Variants in SPECC1 observed in about 807,000 individuals in gnomAD.
The protein encoded by SPECC1 is sperm antigen with calponin homology and coiled-coil domains 1.
In SPECC1, 62 loss-of-function variants were observed where a neutral mutation model predicts 104.1. That is an observed-to-expected ratio of 0.60 (90% CI 0.49 to 0.74). The LOEUF is 0.74. Among genes scored for constraint, SPECC1 ranks in the 30% least tolerant of loss-of-function variants. The pLI is 0.00. For synonymous variants in SPECC1, 513 were observed against 501.6 expected (o/e 1.02, Z -0.30); for missense variants, 1,306 against 1,310.5 (o/e 1.00, Z 0.05).
chr17:20,137,966 T>A (rs1281482373), intron 3 of SPECC1, among the ~76,000 whole-genome samples: 1 of 151,308 alleles, frequency 6.6e-6, no homozygotes. Context: ...TACCCAGCCC[T>A]TTATTTTATT....
Position 20,292,549 on chromosome 17 carries a change from C to T in SPECC1, c.2941-4412C>T, listed in dbSNP as rs1363026960. On this transcript the variant is annotated intron_variant, in intron 12 of 14. Coordinates refer to ENST00000395527, the MANE Select transcript of SPECC1 (RefSeq NM_001243439.2). The stretch of plus-strand genomic sequence containing the variant: ...TTCACTACATTGGCCAGGCTGGTCT[C>T]GAACTCCTGACGTCAGGTGATCCGC... Among the ~76,000 whole-genome samples, 4 of 152,146 alleles carry T rather than the reference C, an allele frequency of 2.6e-5. No homozygotes were observed. In the East Asian group the frequency reaches 5.8e-4, roughly 22 times the overall value.
In SPECC1 at chr17:20,232,124, C is replaced by T. The variant is rs1203285881; in HGVS notation, c.2146-76C>T. ...GGCATTTTTTTCTTGGTGACCAACA[C>T]GGGGACTCTGGGGTCCCTGCCCAGG... is the stretch of plus-strand genomic sequence containing the variant. On this transcript the variant is annotated intron_variant, in intron 6 of 14. Transcript: ENST00000395527. 1.2e-5 allele frequency: 19 copies of T among 1,548,314 alleles called. No homozygotes were observed. In the South Asian group the frequency reaches 1.5e-4, roughly 12 times the overall value.
Position 20,227,397 on chromosome 17 carries a change from C to T in SPECC1, c.1864-16C>T. The stretch of plus-strand genomic sequence containing the variant: ...TTTTGTTGTTAACTGACCAAGGAAC[C>T]TTCCTTTTATTTTAGGTGGAAAAGG... On this transcript the variant is annotated splice_polypyrimidine_tract_variant and intron_variant, in intron 4 of 14. Coordinates refer to ENST00000395527, the MANE Select transcript of SPECC1 (RefSeq NM_001243439.2). The T allele has an allele frequency of 6.2e-7, 1 of 1,606,036 alleles. No homozygotes were observed. Among genetic ancestry groups the T allele is most frequent in the Non-Finnish European group, 8.5e-7 (1 of 1,176,132 alleles).
At position 20,016,664 on chromosome 17, in the gene SPECC1, C is replaced by T. The variant is rs530248919; in HGVS notation, c.-22+7240C>T. On this transcript the variant is annotated intron_variant, in intron 1 of 14. Coordinates refer to ENST00000395527, the MANE Select transcript of SPECC1 (RefSeq NM_001243439.2). ...TCGCTGGGCCTTAGCTGCCTCCCTG[C>T]GGGGCAGCGCTCATGACCTGCGGCC... is the stretch of plus-strand genomic sequence containing the variant. 5.9e-5 allele frequency among the ~76,000 whole-genome samples: 9 copies of T among 152,358 alleles called. No individual in the cohort carries two copies. The East Asian group carries it at 7.7e-4, about 13-fold the overall frequency.
chr17:20,072,197 G>C (rs1480013422), intron 1 of SPECC1, among the ~76,000 whole-genome samples: 1 of 152,224 alleles, frequency 6.6e-6, no homozygotes, highest in Non-Finnish European at 1.5e-5. Context: ...TACCAGCTTA[G>C]GAGAGTGAAG....
intron 3 of SPECC1, among the ~76,000 whole-genome samples, chr17:20,115,802 G>A (rs750560682): frequency 6.6e-6 from 1 of 152,226 alleles, no homozygotes; most frequent in East Asian, 1.9e-4. Flanking sequence ...AAAAGCCAGC[G>A]ATTCCCATTA....
intron 9 of SPECC1, among the ~76,000 whole-genome samples, chr17:20,251,224 CAAA>C (rs58071050): frequency 1.4e-4 from 7 of 51,024 alleles, no homozygotes; most frequent in Admixed American, 2.2e-4. Flanking sequence ...GACTCTATCT[CAAA>C]AAAAAAAAAA....
At chr17:20,171,612 A>T (rs865952857) in intron 3 of SPECC1, among the ~76,000 whole-genome samples, 1 of 152,012 alleles carries the variant, frequency 6.6e-6, no homozygotes, top group African/African-American at 2.4e-5. Context: ...CAGTGGTGCA[A>T]TCATGGCTCA....
rs1327312346 is a variant in SPECC1 at position 20,315,877 on chromosome 17, T to C, written c.*1812T>C. On this transcript the variant is annotated 3_prime_UTR_variant, in exon 15 of 15. Transcript: ENST00000395527. Reference sequence around the variant, plus strand: ...CAGTGGACCCTTTTGAAAACACTCTTGGCTGCCCTAGTTGGTTAACTTCAG... The same window carrying C: ...CAGTGGACCCTTTTGAAAACACTCTCGGCTGCCCTAGTTGGTTAACTTCAG... 1 of 232,584 alleles carries C rather than the reference T, an allele frequency of 4.3e-6. No individual in the cohort carries two copies. The highest frequency in any genetic ancestry group is 8.5e-6 in the Non-Finnish European group (1 of 117,708). The allele number at this position is 232,584 out of a possible 1,614,324, so 14.4% of individuals were successfully genotyped here.
At chr17:20,122,110 G>A (rs911617646) in intron 3 of SPECC1, among the ~76,000 whole-genome samples, 5 of 152,144 alleles carry the variant, frequency 3.3e-5, no homozygotes, top group Admixed American at 6.5e-5. Context: ...TGTCCCCCAC[G>A]TCAAGGGAGT....
chr17:20,063,967 C>A (rs116300251), intron 1 of SPECC1, among the ~76,000 whole-genome samples: 1 of 152,150 alleles, frequency 6.6e-6, no homozygotes, highest in Non-Finnish European at 1.5e-5. Context: ...CAGGGCAGTT[C>A]GGTTTTTCAG....
At chr17:20,302,796 C>T (rs1206401834) in intron 13 of SPECC1, among the ~76,000 whole-genome samples, 3 of 146,242 alleles carry the variant, frequency 2.1e-5, no homozygotes, top group African/African-American at 2.5e-5. Flanking sequence ...TGGCAACATG[C>T]CTGTAATCCC....
intron 3 of SPECC1, among the ~76,000 whole-genome samples, chr17:20,141,827 C>T (rs951808402): frequency 6.6e-6 from 1 of 152,318 alleles, no homozygotes; most frequent in Non-Finnish European, 1.5e-5. Flanking sequence ...AATGTGTGTG[C>T]TATTTGCCTA....
intron 1 of SPECC1, among the ~76,000 whole-genome samples, chr17:20,028,055 C>T (rs894354157): frequency 5.9e-5 from 9 of 152,102 alleles, no homozygotes; most frequent in South Asian, 2.1e-4. Context: ...GTAACTCTTA[C>T]GTTTAAGTCA....
At chr17:20,243,908 G>A (rs900102116) in intron 7 of SPECC1, among the ~76,000 whole-genome samples, 15 of 152,170 alleles carry the variant, frequency 9.9e-5, no homozygotes, top group Admixed American at 6.5e-4. Flanking sequence ...TTGGTACTGA[G>A]TCATTTAAAT....
chr17:20,201,257 C>T (rs1386986678), intron 3 of SPECC1, among the ~76,000 whole-genome samples: 4 of 150,882 alleles, frequency 2.7e-5, no homozygotes, highest in Non-Finnish European at 4.4e-5. Flanking sequence ...GTCAGGAGAT[C>T]GAGACCAGCC....
intron 12 of SPECC1, among the ~76,000 whole-genome samples, chr17:20,287,423 CAAAAAAAAA>C (rs61713120): frequency 1.0e-5 from 1 of 98,044 alleles, no homozygotes; most frequent in Non-Finnish European, 2.0e-5. Flanking sequence ...GACTCCGTCT[CAAAAAAAAA>C]AAAAAAAAAA....
At chr17:20,046,058 C>G (rs2045528338) in intron 1 of SPECC1, among the ~76,000 whole-genome samples, 3 of 150,194 alleles carry the variant, frequency 2.0e-5, no homozygotes, top group Admixed American at 6.6e-5. Context: ...TTCACACTTC[C>G]TGTACCTTAA....
chr17:20,073,426 G>A lies in SPECC1; in HGVS notation c.-21-23205G>A, dbSNP rs924742737. The A allele has an allele frequency of 2.0e-5, 3 of 152,222 alleles. No individual in the cohort carries two copies. In the East Asian group the frequency reaches 5.8e-4, roughly 29 times the overall value. The allele number at this position is 152,222 out of a possible 1,614,324, so 9.4% of individuals were successfully genotyped here. A position where few individuals can be genotyped will look rare whatever the true frequency, so the allele number is the denominator to read the frequency against. On this transcript the variant is annotated intron_variant, in intron 1 of 14. Transcript: ENST00000395527. Reference sequence around the variant, plus strand: ...TTAAGCATTGAGGACCAAGTAGGATGGAAATATGATTTTGCACTTTGTGCA... The same window carrying A: ...TTAAGCATTGAGGACCAAGTAGGATAGAAATATGATTTTGCACTTTGTGCA...
Sources: allele counts gnomAD v4.1 joint callset (sites outside exome capture counted in the v4.1 genomes callset), GRCh38; gene constraint gnomAD v4.1.1; transcripts MANE v1.5; gene names NCBI Gene and HGNC (gene_info 2026-07-23, HGNC 2026-07-21).